Variants in NXPE3 observed in about 807,000 individuals in gnomAD.
NXPE3 encodes neurexophilin and PC-esterase domain family member 3, also known as NXPE family member 3.
In NXPE3, 26 loss-of-function variants were observed where a neutral mutation model predicts 46.1. That is an observed-to-expected ratio of 0.56 (90% confidence interval 0.41 to 0.78). The LOEUF (loss-of-function observed/expected upper bound fraction) is 0.78, where lower values mean the gene tolerates loss of function less well. NXPE3 is among the 30% of genes least tolerant of loss of function. The pLI, the probability that NXPE3 is intolerant of heterozygous loss-of-function variation, is 0.00. For synonymous variants in NXPE3, 272 were observed against 257.9 expected (o/e 1.05, Z -0.52); for missense variants, 620 against 686.0 (o/e 0.90, Z 1.07).
intron 4 of NXPE3, among the ~76,000 whole-genome samples, chr3:101,788,938 A>T (rs1420416092): frequency 3.3e-5 from 5 of 151,978 alleles, no homozygotes; most frequent in Non-Finnish European, 7.4e-5. Context: ...AGTCTTATTT[A>T]CATTGTCTTG....
intron 6 of NXPE3, among the ~76,000 whole-genome samples, chr3:101,808,314 GT>G (rs994369809): frequency 2.6e-5 from 4 of 152,168 alleles, no homozygotes; most frequent in African/African-American, 9.7e-5. Context: ...GGCGGGCAAG[GT>G]CCTTCTAGCT....
chr3:101,821,592 G>A lies in NXPE3; in HGVS notation c.1318G>A (p.Val440Ile), dbSNP rs548864461. The A allele has an allele frequency of 1.5e-5, 24 of 1,614,204 alleles. No individual in the cohort carries two copies. The African/African-American group carries it at 2.9e-4, about 20-fold the overall frequency. ...NGIVGGKNTV[V>I]AIAVWSHFST... ...CATTGTGGGAGGGAAGAACACAGTGGTTGCCATAGCTGTATGGTCTCACTT... is the reference window on the plus strand; with the variant it reads ...CATTGTGGGAGGGAAGAACACAGTGATTGCCATAGCTGTATGGTCTCACTT... Residue 440 changes from valine to isoleucine, a missense_variant, in exon 8 of 8, where the codon GTT becomes ATT. Physicochemically the swap from Val to Ile is conservative, Grantham distance 29. Transcript: ENST00000273347.
chr3:101,816,964 C>A lies in NXPE3; in HGVS notation c.1092C>A (p.Ile364=). ...KVVHLFGDST[I]RQWFEYLTTF... ...TGCATTTATTTGGTGACTCAACAAT[C>A]AGGCAATGGTTTGAATACCTTACTA... Residue 364 remains isoleucine (I), a synonymous_variant, in exon 7 of 8, where the codon ATC becomes ATA. Transcript: ENST00000273347. 6.2e-7 allele frequency: 1 copy of A among 1,614,158 alleles called. No homozygotes were observed. The highest frequency in any genetic ancestry group is 8.5e-7 in the Non-Finnish European group (1 of 1,180,014).
chr3:101,814,475 G>T (rs1217385511), intron 6 of NXPE3, among the ~76,000 whole-genome samples: 2 of 152,120 alleles, frequency 1.3e-5, no homozygotes, highest in African/African-American at 2.4e-5. Flanking sequence ...ATTAGCAGAT[G>T]CCGAAGAAAA....
rs1291194793 is a variant in NXPE3 at position 101,790,897 on chromosome 3, GTTA to G, written c.93+5214_93+5216del. Reference sequence around the variant, plus strand: ...AGGTGTGAGTCACCACACCCAGCCAGTTATTATTTTTTAAACCTACTTGTGTTT... The same window carrying G: ...AGGTGTGAGTCACCACACCCAGCCAGTTATTTTTTAAACCTACTTGTGTTT... On this transcript the variant is annotated intron_variant, in intron 4 of 7. Coordinates refer to ENST00000273347, the MANE Select transcript of NXPE3 (RefSeq NM_145037.4). 9.2e-5 allele frequency among the ~76,000 whole-genome samples: 14 copies of G among 152,172 alleles called. No individual in the cohort carries two copies. In the East Asian group the frequency reaches 1.9e-3, roughly 21 times the overall value.
At chr3:101,798,797 A>C (rs923302236) in intron 4 of NXPE3, among the ~76,000 whole-genome samples, 3 of 151,930 alleles carry the variant, frequency 2.0e-5, no homozygotes, top group African/African-American at 7.3e-5. Context: ...TATTTTTAGT[A>C]GAGACAGGGT....
At chr3:101,815,911 G>T (rs1484027470) in intron 6 of NXPE3, among the ~76,000 whole-genome samples, 1 of 151,542 alleles carries the variant, frequency 6.6e-6, no homozygotes, top group Non-Finnish European at 1.5e-5. Context: ...CAGGAGAATC[G>T]CTTGAACCCA....
chr3:101,791,729 G>A (rs1940529390), intron 4 of NXPE3, among the ~76,000 whole-genome samples: 1 of 152,156 alleles, frequency 6.6e-6, no homozygotes, highest in Admixed American at 6.6e-5. Flanking sequence ...CTCTGCTGTT[G>A]TGAATAGTGC....
intron 4 of NXPE3, among the ~76,000 whole-genome samples, chr3:101,791,683 G>A (rs1187634812): frequency 1.3e-5 from 2 of 152,126 alleles, no homozygotes; most frequent in Non-Finnish European, 2.9e-5. Context: ...GCCTTATCCA[G>A]TCTGTTTTTG....
Position 101,795,515 on chromosome 3 carries a change from T to TAA in NXPE3, c.94-5705_94-5704dup, listed in dbSNP as rs568595009. Among the ~76,000 whole-genome samples, 523 of 129,508 alleles carry TAA rather than the reference T, an allele frequency of 4.0e-3. 5 individuals carry two copies. Among genetic ancestry groups the TAA allele is most frequent in the Non-Finnish European group, 6.4e-3 (392 of 61,160 alleles). The allele number at this position is 129,508 out of a possible 152,430, so 85.0% of individuals were successfully genotyped here. Reference sequence around the variant, plus strand: ...CCTGGGCAACAAAGTGAGACTTATCTAAAAAAAAAAAAAAAAGCAGTCCAT... The same window carrying TAA: ...CCTGGGCAACAAAGTGAGACTTATCTAAAAAAAAAAAAAAAAAAGCAGTCCAT... On this transcript the variant is annotated intron_variant, in intron 4 of 7. Coordinates refer to ENST00000273347, the MANE Select transcript of NXPE3 (RefSeq NM_145037.4).
chr3:101,797,052 A>G (rs1469576157), intron 4 of NXPE3, among the ~76,000 whole-genome samples: 4 of 152,158 alleles, frequency 2.6e-5, no homozygotes, highest in Non-Finnish European at 5.9e-5. Context: ...CAGGTTAGGT[A>G]TATAACTTTT....
At chr3:101,815,618 C>G (rs1941934516) in intron 6 of NXPE3, among the ~76,000 whole-genome samples, 1 of 152,142 alleles carries the variant, frequency 6.6e-6, no homozygotes, top group Admixed American at 6.5e-5. Context: ...AATTCTAGCA[C>G]TTTGGGAGGT....
intron 4 of NXPE3, among the ~76,000 whole-genome samples, chr3:101,794,349 C>A (rs1048526189): frequency 1.4e-4 from 21 of 152,038 alleles, no homozygotes; most frequent in Non-Finnish European, 2.2e-4. Flanking sequence ...TAGGAGGAGC[C>A]GTGTTCCTTC....
At chr3:101,790,948 A>G (rs1302360260) in intron 4 of NXPE3, among the ~76,000 whole-genome samples, 1 of 151,798 alleles carries the variant, frequency 6.6e-6, no homozygotes, top group Admixed American at 6.6e-5. Context: ...ATTGAATTGT[A>G]TTTTTTTTAA....
At chr3:101,791,990 G>C (rs959577049) in intron 4 of NXPE3, among the ~76,000 whole-genome samples, 1 of 152,030 alleles carries the variant, frequency 6.6e-6, no homozygotes, top group Non-Finnish European at 1.5e-5. Flanking sequence ...ATTCTGACTG[G>C]TGTGAGATCT....
chr3:101,796,962 T>A (rs1940861241), intron 4 of NXPE3, among the ~76,000 whole-genome samples: 1 of 152,208 alleles, frequency 6.6e-6, no homozygotes, highest in Admixed American at 6.5e-5. Context: ...TTTGCTTTGT[T>A]GTTTATTCCC....
At chr3:101,809,340 C>G (rs1295427456) in intron 6 of NXPE3, among the ~76,000 whole-genome samples, 1 of 152,116 alleles carries the variant, frequency 6.6e-6, no homozygotes, top group Admixed American at 6.5e-5. Flanking sequence ...GGAAGGAACC[C>G]AGCTTGGCAG....
chr3:101,815,570 CAT>C (rs1560063897), intron 6 of NXPE3, among the ~76,000 whole-genome samples: 2 of 152,152 alleles, frequency 1.3e-5, no homozygotes, highest in Non-Finnish European at 2.9e-5. Flanking sequence ...TTGATAAAAA[CAT>C]ATGTAATCAG....
Position 101,828,180 on chromosome 3 carries a change from CA to C in NXPE3, c.*6229del, listed in dbSNP as rs755189139. The C allele has an allele frequency of 6.6e-6, 1 of 152,108 alleles. No homozygotes were observed. The highest frequency in any genetic ancestry group is 1.5e-5 in the Non-Finnish European group (1 of 68,006). The allele number at this position is 152,108 out of a possible 1,614,324, so 9.4% of individuals were successfully genotyped here. ...TTTGTGTGACTTGACTCTTCAAACACAAAGGTATATTTTTATTATCTGATAT... is the reference window on the plus strand; with the variant it reads ...TTTGTGTGACTTGACTCTTCAAACACAAGGTATATTTTTATTATCTGATAT... On this transcript the variant is annotated 3_prime_UTR_variant, in exon 8 of 8. Coordinates refer to ENST00000273347, the MANE Select transcript of NXPE3 (RefSeq NM_145037.4).
Sources: gnomAD v4.1 joint callset for allele counts (sites outside exome capture counted in the v4.1 genomes callset) on GRCh38, gnomAD v4.1.1 for gene constraint, MANE v1.5 for transcripts, NCBI Gene and HGNC (gene_info 2026-07-23, HGNC 2026-07-21) for gene names.